RIMS2: variants seen among roughly 807,000 people sequenced by gnomAD.
The protein encoded by RIMS2 is regulating synaptic membrane exocytosis protein 2.
RIMS2 carries 59 observed loss-of-function variants against 174.4 expected under a neutral mutation model. The observed-to-expected ratio is 0.34, with a 90% confidence interval of 0.27 to 0.42. The LOEUF is 0.42. Among genes scored for constraint, RIMS2 ranks in the 10% least tolerant of loss-of-function variants. RIMS2 has a pLI of 1.00. For synonymous variants in RIMS2, 606 were observed against 572.5 expected, an observed-to-expected ratio of 1.06 and a Z score of -0.84; for missense variants, 1,620 against 1,666.3, an observed-to-expected ratio of 0.97 and a Z score of 0.48.
At chr8:103,968,959 G>A (rs2092512987) in intron 15 of RIMS2, among the ~76,000 whole-genome samples, 1 of 151,872 alleles carries the variant, frequency 6.6e-6, no homozygotes, top group Non-Finnish European at 1.5e-5. Flanking sequence ...CTTCACTTTT[G>A]AAGGATAATT....
chr8:103,724,801 A>G (rs1220040451), intron 2 of RIMS2, among the ~76,000 whole-genome samples: 1 of 152,160 alleles, frequency 6.6e-6, no homozygotes, highest in Non-Finnish European at 1.5e-5. Context: ...GCATTCTGGT[A>G]TATTTCTGGT....
At chr8:103,788,912 C>A (rs531050113) in intron 3 of RIMS2, among the ~76,000 whole-genome samples, 4 of 152,356 alleles carry the variant, frequency 2.6e-5, no homozygotes, top group African/African-American at 9.6e-5. Flanking sequence ...GCTGTGCTAG[C>A]AATCAGCGAG....
chr8:103,832,993 T>G (rs1036599378), intron 3 of RIMS2, among the ~76,000 whole-genome samples: 3 of 152,196 alleles, frequency 2.0e-5, no homozygotes, highest in Non-Finnish European at 4.4e-5. Context: ...CTGATAGACT[T>G]TTTCTTCAGC....
At chr8:103,761,233 C>G (rs16870669) in intron 2 of RIMS2, among the ~76,000 whole-genome samples, 4,732 of 152,172 alleles carry the variant, frequency 0.031, 224 homozygotes, top group African/African-American at 0.11. Flanking sequence ...TGAACAACAC[C>G]GAAGCTCTTT....
intron 1 of RIMS2, among the ~76,000 whole-genome samples, chr8:103,659,604 G>C (rs551208597): frequency 5.3e-5 from 8 of 152,308 alleles, no homozygotes; most frequent in African/African-American, 1.9e-4. Context: ...TGCTGCAGCA[G>C]CTGCTACCCC....
intron 1 of RIMS2, among the ~76,000 whole-genome samples, chr8:103,518,190 G>A (rs2130204257): frequency 6.6e-6 from 1 of 152,250 alleles, no homozygotes; most frequent in South Asian, 2.1e-4. Context: ...TCTGTTAAGA[G>A]ATTGACACTT....
At chr8:103,626,528 T>A (rs1273968782) in intron 1 of RIMS2, among the ~76,000 whole-genome samples, 1 of 152,204 alleles carries the variant, frequency 6.6e-6, no homozygotes, top group Non-Finnish European at 1.5e-5. Flanking sequence ...AAGTTAAAAT[T>A]ATTCCAAACA....
At chr8:103,612,260 G>C (rs75646326) in intron 1 of RIMS2, among the ~76,000 whole-genome samples, 7,321 of 152,200 alleles carry the variant, frequency 0.048, 587 homozygotes, top group African/African-American at 0.17. Context: ...CAGGTCACAT[G>C]TCTCTCTATT....
intron 3 of RIMS2, 31 bp from the exon 7 acceptor site, chr8:103,885,267 T>G: frequency 1.3e-6 from 2 of 1,523,132 alleles, no homozygotes; most frequent in Non-Finnish European, 1.8e-6. Flanking sequence ...ACTTTTGCTC[T>G]TCTCATTGTT....
At chr8:103,684,084 A>G (rs2096910603) in intron 1 of RIMS2, among the ~76,000 whole-genome samples, 2 of 152,176 alleles carry the variant, frequency 1.3e-5, no homozygotes, top group South Asian at 2.1e-4. Context: ...TTTATGAACT[A>G]TAGTTTATTT....
chr8:103,721,395 T>C (rs1490475609), intron 2 of RIMS2, among the ~76,000 whole-genome samples: 2 of 152,222 alleles, frequency 1.3e-5, no homozygotes, highest in Admixed American at 1.3e-4. Flanking sequence ...AAATCCATGC[T>C]GTGAAAATTC....
intron 19 of RIMS2, among the ~76,000 whole-genome samples, chr8:104,089,855 T>C (rs929286786): frequency 6.6e-6 from 1 of 151,796 alleles, no homozygotes; most frequent in Non-Finnish European, 1.5e-5. Context: ...ATTTTGAATA[T>C]ATTTTTCTCA....
At chr8:103,607,564 G>A (rs2134023683) in intron 1 of RIMS2, among the ~76,000 whole-genome samples, 1 of 147,694 alleles carries the variant, frequency 6.8e-6, no homozygotes, top group South Asian at 2.1e-4. Flanking sequence ...CTAGATCGGG[G>A]AAATTCTCCT....
At chr8:103,887,704 A>T (rs1274815113) in intron 4 of RIMS2, among the ~76,000 whole-genome samples, 1 of 151,602 alleles carries the variant, frequency 6.6e-6, no homozygotes, top group African/African-American at 2.4e-5. Flanking sequence ...TAGGTATGAA[A>T]TGATTATGGA....
At chr8:103,881,990 G>T (rs569770407) in intron 3 of RIMS2, among the ~76,000 whole-genome samples, 1 of 151,452 alleles carries the variant, frequency 6.6e-6, no homozygotes, top group South Asian at 2.1e-4. Flanking sequence ...ACTAAAGAAA[G>T]GCATAATTTT....
In RIMS2 at chr8:104,013,425, T is replaced by C. The variant is rs2154553875; in HGVS notation, c.3045-17T>C. The C allele has an allele frequency of 6.2e-7, 1 of 1,611,884 alleles. No homozygotes were observed. Among genetic ancestry groups the C allele is most frequent in the East Asian group, 2.2e-5 (1 of 44,804 alleles). On this transcript the variant is annotated splice_polypyrimidine_tract_variant and intron_variant, in intron 17 of 23. Coordinates refer to ENST00000504942, the Ensembl canonical transcript of RIMS2. ...GCACTAAAGATCAACTGAGCTGCTT[T>C]TTGACTAACGTTTCAGGGATTGTGA... is the stretch of plus-strand genomic sequence containing the variant.
chr8:104,029,161 A>G (rs1436477841), intron 19 of RIMS2, among the ~76,000 whole-genome samples: 3 of 152,164 alleles, frequency 2.0e-5, no homozygotes, highest in African/African-American at 7.2e-5. Flanking sequence ...TCTAACTAGC[A>G]TATGAACCGT....
chr8:103,900,269 A>C (rs531435003), intron 4 of RIMS2, among the ~76,000 whole-genome samples: 125 of 151,684 alleles, frequency 8.2e-4, no homozygotes, highest in Non-Finnish European at 1.6e-3. Flanking sequence ...TGTCTCCCAG[A>C]CTGGAGTGCA....
chr8:104,175,056 T>G (rs1362064031), intron 19 of RIMS2, among the ~76,000 whole-genome samples: 1 of 152,170 alleles, frequency 6.6e-6, no homozygotes, highest in Non-Finnish European at 1.5e-5. Flanking sequence ...GACAGAGAGT[T>G]TTCCTGTATC....
Sources: allele counts gnomAD v4.1 joint callset (sites outside exome capture counted in the v4.1 genomes callset), GRCh38; gene constraint gnomAD v4.1.1; transcripts MANE v1.5; gene names NCBI Gene and HGNC (gene_info 2026-07-23, HGNC 2026-07-21).